The following PARD3 variants were observed in gnomAD, a reference collection of about 807,000 sequenced individuals.
PARD3 encodes par-3 family cell polarity regulator.
In PARD3, 75 loss-of-function variants were observed where a neutral mutation model predicts 155.4. That is an observed-to-expected ratio of 0.48 (90% CI 0.40 to 0.58). PARD3 has a LOEUF of 0.58. Among genes scored for constraint, PARD3 ranks in the 20% least tolerant of loss-of-function variants. The pLI is 0.00. For missense variants in PARD3, 1,642 were observed against 1,721.7 expected (o/e 0.95, Z 0.82); for synonymous variants, 576 against 610.5 (o/e 0.94, Z 0.83).
At chr10:34,373,856 T>C in intron 11 of PARD3, among the ~76,000 whole-genome samples, 1 of 151,980 alleles carries the variant, frequency 6.6e-6, no homozygotes, top group Non-Finnish European at 1.5e-5. Flanking sequence ...AGAAATAGTT[T>C]ATATAGAGAA....
intron 1 of PARD3, among the ~76,000 whole-genome samples, chr10:34,810,455 T>G (rs1843994825): frequency 6.6e-6 from 1 of 152,088 alleles, no homozygotes; most frequent in Non-Finnish European, 1.5e-5. Flanking sequence ...ATTAAATCAC[T>G]CTAAAGTGAT....
At chr10:34,450,500 T>G in intron 4 of PARD3, 52 bp from the exon 5 acceptor site, 1 of 1,540,496 alleles carries the variant, frequency 6.5e-7, no homozygotes, top group Non-Finnish European at 8.8e-7. Context: ...ACCTTGCAAA[T>G]CAGTAATGCA....
chr10:34,261,639 C>T (rs969734324), intron 22 of PARD3, among the ~76,000 whole-genome samples: 9 of 151,270 alleles, frequency 5.9e-5, no homozygotes, highest in Middle Eastern at 3.4e-3. Context: ...CAGTGAGCCA[C>T]GATCACACCA....
intron 14 of PARD3, among the ~76,000 whole-genome samples, chr10:34,356,591 A>G (rs548617948): frequency 1.3e-5 from 2 of 152,350 alleles, no homozygotes; most frequent in African/African-American, 4.8e-5. Context: ...AGACCTAGAA[A>G]GAAAACTCAG....
At chr10:34,187,991 T>C (rs1372410480) in intron 22 of PARD3, among the ~76,000 whole-genome samples, 1 of 152,182 alleles carries the variant, frequency 6.6e-6, no homozygotes, top group Non-Finnish European at 1.5e-5. Flanking sequence ...CTGCAGATAA[T>C]TAAAGTGCTT....
chr10:34,202,511 C>T (rs899109042), intron 22 of PARD3, among the ~76,000 whole-genome samples: 3 of 152,216 alleles, frequency 2.0e-5, no homozygotes, highest in African/African-American at 7.2e-5. Flanking sequence ...AAATGTCACA[C>T]TGCATAAACG....
intron 22 of PARD3, among the ~76,000 whole-genome samples, chr10:34,228,405 A>G (rs1052085311): frequency 6.6e-6 from 1 of 152,080 alleles, no homozygotes; most frequent in South Asian, 2.1e-4. Flanking sequence ...AAAACATAAA[A>G]GCTGGAAGAA....
intron 2 of PARD3, among the ~76,000 whole-genome samples, chr10:34,674,221 C>CGGGAT (rs2093660446): frequency 6.6e-6 from 1 of 152,218 alleles, no homozygotes; most frequent in Non-Finnish European, 1.5e-5. Flanking sequence ...CTCCACAAGA[C>CGGGAT]ATCCCCACCA....
intron 2 of PARD3, among the ~76,000 whole-genome samples, chr10:34,552,627 T>C (rs377394271): frequency 1.3e-5 from 2 of 152,060 alleles, no homozygotes; most frequent in East Asian, 1.9e-4. Flanking sequence ...AGCAGGAGAA[T>C]TGGTTGAACC....
At chr10:34,430,537 A>G (rs1589546669) in intron 5 of PARD3, among the ~76,000 whole-genome samples, 1 of 152,186 alleles carries the variant, frequency 6.6e-6, no homozygotes. Flanking sequence ...AATAACTAAC[A>G]CTGATTAATA....
At chr10:34,510,502 T>A (rs2081341899) in intron 3 of PARD3, among the ~76,000 whole-genome samples, 1 of 152,228 alleles carries the variant, frequency 6.6e-6, no homozygotes, top group South Asian at 2.1e-4. Context: ...AATCACACAG[T>A]ACTATATTTA....
intron 20 of PARD3, among the ~76,000 whole-genome samples, chr10:34,315,546 C>G (rs1365063640): frequency 1.3e-5 from 2 of 152,202 alleles, no homozygotes; most frequent in East Asian, 3.8e-4. Context: ...TTTCTCCCAT[C>G]TCTAACCCTG....
chr10:34,229,225 T>C (rs1020898808), intron 22 of PARD3, among the ~76,000 whole-genome samples: 6 of 152,010 alleles, frequency 3.9e-5, no homozygotes, highest in Non-Finnish European at 8.8e-5. Flanking sequence ...TTCCTCCTCC[T>C]TATTTTATTT....
At chr10:34,687,027 C>A (rs188473577) in intron 2 of PARD3, among the ~76,000 whole-genome samples, 1 of 151,396 alleles carries the variant, frequency 6.6e-6, no homozygotes, top group Non-Finnish European at 1.5e-5. Context: ...CCAGTCCGGG[C>A]GACAGAGCAA....
intron 2 of PARD3, among the ~76,000 whole-genome samples, chr10:34,550,315 G>A (rs562292033): frequency 2.6e-4 from 39 of 152,226 alleles, no homozygotes; most frequent in African/African-American, 9.1e-4. Flanking sequence ...GGATTCCAGC[G>A]ATCCACCCAC....
intron 1 of PARD3, among the ~76,000 whole-genome samples, chr10:34,776,586 AG>A (rs1219085358): frequency 2.2e-4 from 34 of 151,458 alleles, no homozygotes; most frequent in African/African-American, 8.0e-4. Context: ...GAGGAAGGAC[AG>A]CAAGGTTTTA....
intron 2 of PARD3, chr10:34,663,921 A>T (rs986737373): frequency 9.9e-5 from 15 of 152,260 alleles, no homozygotes; most frequent in African/African-American, 3.4e-4. Flanking sequence ...CCAGGCCTGA[A>T]TCTGTAGTGT....
chr10:34,345,788 A>G (rs956323099), intron 15 of PARD3: 2 of 985,278 alleles, frequency 2.0e-6, no homozygotes, highest in African/African-American at 3.5e-5. Flanking sequence ...AACGTCTTGA[A>G]CAGGATTTCT....
chr10:34,284,019 C>T lies in PARD3; in HGVS notation c.3176+116G>A, dbSNP rs183062755. 293 of 646,966 alleles carry T rather than the reference C, an allele frequency of 4.5e-4. No individual in the cohort carries two copies. The Middle Eastern group carries it at 7.3e-3, about 16-fold the overall frequency. The allele number at this position is 646,966 out of a possible 1,614,324, so 40.1% of individuals were successfully genotyped here. ...ACAACCATCAATATTTGGGTTGATA[C>T]AGGAAATATGAAGAGTAATTAAATG... On this transcript the variant is annotated intron_variant, in intron 21 of 24. Coordinates refer to ENST00000374788, the MANE Select transcript of PARD3 (RefSeq NM_001184785.2).
Sources: gnomAD v4.1 joint callset for allele counts (sites outside exome capture counted in the v4.1 genomes callset) on GRCh38, gnomAD v4.1.1 for gene constraint, MANE v1.5 for transcripts, NCBI Gene and HGNC (gene_info 2026-07-23, HGNC 2026-07-21) for gene names.